Variants in ABHD18 observed in about 807,000 individuals in gnomAD.
The protein encoded by ABHD18 is cardiolipin-specific deacylase, mitochondrial.
A neutral mutation model predicts 65.9 loss-of-function variants in ABHD18; 55 were observed. The ratio of observed to expected loss-of-function variants is 0.84; its 90% CI spans 0.67 to 1.05. The LOEUF (loss-of-function observed/expected upper bound fraction) is 1.05, where lower values mean the gene tolerates loss of function less well. Ranked by LOEUF, ABHD18 falls within the 50% of genes least tolerant of loss-of-function variation. The pLI, the probability that ABHD18 is intolerant of heterozygous loss-of-function variation, is 0.00. For missense variants in ABHD18, 533 were observed against 558.5 expected (o/e 0.95, Z 0.46); for synonymous variants, 181 against 180.2 (o/e 1.00, Z -0.04).
At chr4:127,998,708 C>T (rs998436009) in intron 4 of ABHD18, among the ~76,000 whole-genome samples, 21 of 152,012 alleles carry the variant, frequency 1.4e-4, no homozygotes, top group African/African-American at 4.1e-4. Flanking sequence ...TCTCCACTCC[C>T]CTCTCTCTGC....
At chr4:128,003,178 C>A (rs993100604) in intron 4 of ABHD18, among the ~76,000 whole-genome samples, 2 of 151,616 alleles carry the variant, frequency 1.3e-5, no homozygotes, top group Non-Finnish European at 2.9e-5. Context: ...ACCAGCCTGG[C>A]CAATATGGTG....
chr4:128,027,539 G>A (rs1173715620), intron 10 of ABHD18, among the ~76,000 whole-genome samples: 1 of 151,980 alleles, frequency 6.6e-6, no homozygotes, highest in African/African-American at 2.4e-5. Context: ...TCGAGTAGCT[G>A]GGATAACAGG....
At chr4:127,975,467 A>G (rs1238812425) in intron 1 of ABHD18, among the ~76,000 whole-genome samples, 3 of 152,188 alleles carry the variant, frequency 2.0e-5, no homozygotes, top group Admixed American at 2.0e-4. Context: ...TCCATGTTGT[A>G]TCATGTGCCA....
intron 4 of ABHD18, among the ~76,000 whole-genome samples, chr4:127,996,142 C>CTT (rs1751693830): frequency 2.6e-5 from 4 of 152,272 alleles, no homozygotes; most frequent in South Asian, 2.1e-4. Flanking sequence ...TGCTGGAAAA[C>CTT]CAGTATTTAG....
chr4:128,009,849 TTAAA>T (rs1754238787), intron 6 of ABHD18, among the ~76,000 whole-genome samples: 1 of 152,234 alleles, frequency 6.6e-6, no homozygotes, highest in South Asian at 2.1e-4. Context: ...TAAGAAAAAA[TTAAA>T]TAACAAAAAC....
At chr4:128,015,621 C>T (rs1042334670) in intron 7 of ABHD18, among the ~76,000 whole-genome samples, 7 of 152,242 alleles carry the variant, frequency 4.6e-5, no homozygotes, top group African/African-American at 1.7e-4. Flanking sequence ...AAAAGAAACC[C>T]TCCCTTCTGG....
chr4:128,021,127 A>G lies in ABHD18; in HGVS notation c.700-10A>G. On this transcript the variant is annotated splice_polypyrimidine_tract_variant and intron_variant, in intron 9 of 12. Coordinates refer to ENST00000645843, the MANE Select transcript of ABHD18 (RefSeq NM_001358451.3). ...ATGTGGTTTGATCTTAATTTAGCTT[A>G]TTATTTCAGGGTGTGTTGAGTAAAT... 1 of 1,504,678 alleles carries G rather than the reference A, an allele frequency of 6.6e-7. No individual in the cohort carries two copies. The highest frequency in any genetic ancestry group is 9.0e-7 in the Non-Finnish European group (1 of 1,106,624). 93.2% of individuals were successfully genotyped at this position (1,504,678 alleles called of 1,614,324 possible).
intron 10 of ABHD18, among the ~76,000 whole-genome samples, chr4:128,024,660 C>T (rs754346734): frequency 6.6e-5 from 10 of 151,636 alleles, no homozygotes; most frequent in Non-Finnish European, 1.0e-4. Flanking sequence ...CCAGGTTGTT[C>T]GGTATTTTTG....
intron 10 of ABHD18, among the ~76,000 whole-genome samples, chr4:128,022,827 G>A (rs559603107): frequency 9.5e-5 from 14 of 147,852 alleles, no homozygotes; most frequent in African/African-American, 2.7e-4. Context: ...GCAGTGGCAC[G>A]ATCTTAGCTC....
intron 4 of ABHD18, among the ~76,000 whole-genome samples, chr4:127,998,052 A>ACTAAT (rs1752035382): frequency 6.6e-6 from 1 of 151,490 alleles, no homozygotes; most frequent in Non-Finnish European, 1.5e-5. Context: ...ACCACAACCA[A>ACTAAT]CTAATATTTT....
At chr4:127,981,724 T>C (rs1399715351) in intron 1 of ABHD18, among the ~76,000 whole-genome samples, 1 of 152,190 alleles carries the variant, frequency 6.6e-6, no homozygotes, top group African/African-American at 2.4e-5. Context: ...TAAAACTGTA[T>C]ATGCAATACA....
intron 8 of ABHD18, among the ~76,000 whole-genome samples, chr4:128,019,266 C>G (rs1294019135): frequency 6.6e-6 from 1 of 152,114 alleles, no homozygotes; most frequent in Non-Finnish European, 1.5e-5. Flanking sequence ...TTGCTCAGAC[C>G]TCTTTATTAA....
intron 1 of ABHD18, among the ~76,000 whole-genome samples, chr4:127,980,431 G>C (rs1748811563): frequency 6.7e-6 from 1 of 149,720 alleles, no homozygotes; most frequent in African/African-American, 2.4e-5. Context: ...GAGCAAGACA[G>C]TGTGTGTAGG....
rs545942250 is a variant in ABHD18, at chr4:128,028,950, A to G, written c.1180+97A>G. On this transcript the variant is annotated intron_variant, in intron 11 of 12. Transcript: ENST00000645843. The stretch of plus-strand genomic sequence containing the variant: ...TCTATAAGATAATTTTATATTTTCA[A>G]GGGTATATTTTTTTGTTGGCTCCAG... 8 of 1,070,546 alleles carry G rather than the reference A, an allele frequency of 7.5e-6. No homozygotes were observed. The Admixed American group carries it at 2.1e-4, about 28-fold the overall frequency. 66.3% of individuals were successfully genotyped at this position (1,070,546 alleles called of 1,614,324 possible).
intron 12 of ABHD18, among the ~76,000 whole-genome samples, chr4:128,031,742 CT>C (rs1174310901): frequency 2.0e-5 from 3 of 152,168 alleles, no homozygotes; most frequent in Non-Finnish European, 4.4e-5. Flanking sequence ...AAATGTCACC[CT>C]TTTTAGAAAT....
chr4:128,000,151 C>T (rs956116197), intron 4 of ABHD18, among the ~76,000 whole-genome samples: 2 of 152,308 alleles, frequency 1.3e-5, no homozygotes, highest in Non-Finnish European at 2.9e-5. Context: ...TCCCAAAACA[C>T]GTGGGAATTC....
chr4:127,979,561 A>G (rs2149061269), intron 1 of ABHD18, among the ~76,000 whole-genome samples: 1 of 152,090 alleles, frequency 6.6e-6, no homozygotes, highest in African/African-American at 2.4e-5. Flanking sequence ...TCTCAAAACA[A>G]AACAAAGAAA....
intron 4 of ABHD18, among the ~76,000 whole-genome samples, chr4:128,006,918 A>G (rs1045585215): frequency 6.6e-6 from 1 of 152,022 alleles, no homozygotes; most frequent in African/African-American, 2.4e-5. Flanking sequence ...GACTGTCTCC[A>G]GAAAATTAAA....
intron 1 of ABHD18, among the ~76,000 whole-genome samples, chr4:127,970,589 CAAAAAAAAAAA>C (rs375709595): frequency 3.7e-5 from 2 of 54,650 alleles, no homozygotes; most frequent in Non-Finnish European, 7.6e-5. Context: ...AACTCTGTCT[CAAAAAAAAAAA>C]AAAAAAAAAA....
Sources: allele counts gnomAD v4.1 joint callset (sites outside exome capture counted in the v4.1 genomes callset), GRCh38; gene constraint gnomAD v4.1.1; transcripts MANE v1.5; gene names NCBI Gene and HGNC (gene_info 2026-07-23, HGNC 2026-07-21).